Variants in NCMAP observed in about 807,000 individuals in gnomAD.
NCMAP encodes noncompact myelin-associated protein.
NCMAP carries 8 observed loss-of-function variants against 7.8 expected under a neutral mutation model. The ratio of observed to expected loss-of-function variants is 1.02; its 90% confidence interval spans 0.60 to 1.84. The LOEUF (loss-of-function observed/expected upper bound fraction) is 1.84, where lower values mean the gene tolerates loss of function less well. Among genes scored for constraint, NCMAP ranks in the 40% most tolerant of loss-of-function variants. The pLI is 0.00. For synonymous variants in NCMAP, 41 were observed against 52.9 expected, an observed-to-expected ratio of 0.78 and a Z score of 0.98; for missense variants, 112 against 131.4, an observed-to-expected ratio of 0.85 and a Z score of 0.72.
chr1:24,563,031 A>T (rs552333136), intron 1 of NCMAP, among the ~76,000 whole-genome samples: 1 of 152,380 alleles, frequency 6.6e-6, no homozygotes, highest in East Asian at 1.9e-4. Context: ...AAGTGCAGCT[A>T]CTACAAAAGA....
chr1:24,564,717 G>GA (rs1366249683), intron 1 of NCMAP, among the ~76,000 whole-genome samples: 2 of 151,748 alleles, frequency 1.3e-5, no homozygotes, highest in East Asian at 3.8e-4. Flanking sequence ...AAAGAATAAG[G>GA]AAAAATTCAC....
chr1:24,585,921 G>A (rs1438246012), intron 1 of NCMAP, among the ~76,000 whole-genome samples: 4 of 152,130 alleles, frequency 2.6e-5, no homozygotes, highest in African/African-American at 9.7e-5. Context: ...GTTTATACCT[G>A]AGTTTGACCA....
chr1:24,604,565 A>G (rs1335541296), intron 3 of NCMAP, among the ~76,000 whole-genome samples: 1 of 90,544 alleles, frequency 1.1e-5, no homozygotes, highest in Non-Finnish European at 1.9e-5. Context: ...AACCAGGGTA[A>G]GACTGTCTAA....
intron 1 of NCMAP, among the ~76,000 whole-genome samples, chr1:24,578,231 G>A (rs1399964615): frequency 1.4e-5 from 2 of 142,208 alleles, no homozygotes; most frequent in African/African-American, 5.4e-5. Flanking sequence ...ACTCCAGCCT[G>A]TGGGACACTG....
At chr1:24,601,398 A>G (rs1270936392) in intron 3 of NCMAP, among the ~76,000 whole-genome samples, 2 of 152,198 alleles carry the variant, frequency 1.3e-5, no homozygotes, top group African/African-American at 4.8e-5. Flanking sequence ...AAATACTGGA[A>G]GCATGTACCC....
rs1651554643 is a variant in NCMAP at position 24,576,216 on chromosome 1, A to T, written c.-7-19208A>T. On this transcript the variant is annotated intron_variant, in intron 1 of 3. Transcript: ENST00000374392. The surrounding 1 kb of genome is among the most constrained non-coding windows in gnomAD (Gnocchi z 4.0). ...GGCCACTTAGGTCTGTGCGGCATCC[A>T]CATCCCACCTCCTGACAAAGCTGGG... Among the ~76,000 whole-genome samples the T allele has an allele frequency of 6.6e-6, 1 of 152,112 alleles. No individual in the cohort carries two copies. Among genetic ancestry groups the T allele is most frequent in the Non-Finnish European group, 1.5e-5 (1 of 68,030 alleles).
intron 2 of NCMAP, among the ~76,000 whole-genome samples, chr1:24,598,478 C>G (rs1427388898): frequency 6.6e-6 from 1 of 151,936 alleles, no homozygotes; most frequent in African/African-American, 2.4e-5. Flanking sequence ...ATATAAATGG[C>G]CTATAGGTAT....
chr1:24,557,411 G>C (rs1399077462), intron 1 of NCMAP, among the ~76,000 whole-genome samples: 1 of 148,650 alleles, frequency 6.7e-6, no homozygotes, highest in Non-Finnish European at 1.5e-5. Flanking sequence ...GTGTGTGTGC[G>C]CTTGTGTGCA....
At position 24,597,647 on chromosome 1, in the gene NCMAP, G is replaced by GA. The variant is rs1414348472; in HGVS notation, c.82+2138dup. 1.1e-4 allele frequency among the ~76,000 whole-genome samples: 15 copies of GA among 131,152 alleles called. No homozygotes were observed. In the East Asian group the frequency reaches 2.7e-3, roughly 24 times the overall value. The allele number at this position is 131,152 out of a possible 152,430, so 86.0% of individuals were successfully genotyped here. On this transcript the variant is annotated intron_variant, in intron 2 of 3. Coordinates refer to ENST00000374392, the MANE Select transcript of NCMAP (RefSeq NM_001010980.5). ...AGAAAGAAAGAAAGAAAGAAAGAAA[G>GA]AAAGAAAGAAAGAAAGAAAGAAAGA...
chr1:24,583,073 A>G (rs914671852), intron 1 of NCMAP, among the ~76,000 whole-genome samples: 1 of 152,164 alleles, frequency 6.6e-6, no homozygotes, highest in Non-Finnish European at 1.5e-5. Flanking sequence ...TTTCCTTCTT[A>G]TCTAGTTCTT....
chr1:24,562,923 C>G (rs952105964), intron 1 of NCMAP, among the ~76,000 whole-genome samples: 1 of 151,652 alleles, frequency 6.6e-6, no homozygotes, highest in Non-Finnish European at 1.5e-5. Flanking sequence ...TCCCTTCCCC[C>G]TCCTTATGCC....
rs2148941859 is a variant in NCMAP, at chr1:24,607,826, T to C, written c.*2079T>C. 1 of 152,552 alleles carries C rather than the reference T, an allele frequency of 6.6e-6. No homozygotes were observed. Among genetic ancestry groups the C allele is most frequent in the East Asian group, 1.9e-4 (1 of 5,186 alleles). The allele number at this position is 152,552 out of a possible 1,614,324, so 9.4% of individuals were successfully genotyped here. ...TTGCAGTGAGCCAAGATCGTGCCAC[T>C]GCACTCCAGCCTGGGCAACAGAGTG... is the stretch of plus-strand genomic sequence containing the variant. On this transcript the variant is annotated 3_prime_UTR_variant, in exon 4 of 4. Coordinates refer to ENST00000374392, the MANE Select transcript of NCMAP (RefSeq NM_001010980.5).
chr1:24,583,192 G>A (rs1363594091), intron 1 of NCMAP, among the ~76,000 whole-genome samples: 1 of 152,172 alleles, frequency 6.6e-6, no homozygotes, highest in African/African-American at 2.4e-5. Context: ...GAAATGTCCT[G>A]TAACATTTTT....
intron 1 of NCMAP, among the ~76,000 whole-genome samples, chr1:24,574,366 A>C (rs1364137987): frequency 6.7e-6 from 1 of 149,178 alleles, no homozygotes; most frequent in Non-Finnish European, 1.5e-5. Flanking sequence ...TTATCTGCCC[A>C]CCTCGGCCTC....
Position 24,564,540 on chromosome 1 carries a change from A to AAAG in NCMAP, c.-8+8373_-8+8374insGAA, listed in dbSNP as rs1324809734. Among the ~76,000 whole-genome samples, 5 of 149,728 alleles carry AAAG rather than the reference A, an allele frequency of 3.3e-5. 1 individual carries two copies. In the South Asian group the frequency reaches 1.1e-3, roughly 32 times the overall value. On this transcript the variant is annotated intron_variant, in intron 1 of 3. Transcript: ENST00000374392. ...AAAAAAAAAAAAAAAAAACAAAAAA[A>AAAG]AACCTGAGAGAGATGGAGAGTATAC...
rs1310262733 is a variant in NCMAP at position 24,579,301 on chromosome 1, TTTC to T, written c.-7-16115_-7-16113del. Reference sequence around the variant, plus strand: ...CTTAGCTGTCTGAATATATCAATGTTTTCTTCTTCTCTGTGCATTGTCTCTACT... The same window carrying T: ...CTTAGCTGTCTGAATATATCAATGTTTTCTTCTCTGTGCATTGTCTCTACT... On this transcript the variant is annotated intron_variant, in intron 1 of 3. Transcript: ENST00000374392. 3.9e-5 allele frequency among the ~76,000 whole-genome samples: 6 copies of T among 152,158 alleles called. No individual in the cohort carries two copies. The East Asian group carries it at 9.6e-4, about 24-fold the overall frequency.
In NCMAP at chr1:24,597,659, G is replaced by GAAAAGAA. The variant is rs879865380; in HGVS notation, c.82+2150_82+2151insAGAAAAA. Among the ~76,000 whole-genome samples, 372 of 118,788 alleles carry GAAAAGAA rather than the reference G, an allele frequency of 3.1e-3. 1 individual carries two copies. The highest frequency in any genetic ancestry group is 9.8e-3 in the Middle Eastern group (2 of 204). The allele number at this position is 118,788 out of a possible 152,430, so 77.9% of individuals were successfully genotyped here. On this transcript the variant is annotated intron_variant, in intron 2 of 3. Coordinates refer to ENST00000374392, the MANE Select transcript of NCMAP (RefSeq NM_001010980.5). ...AGAAAGAAAGAAAGAAAGAAAGAAA[G>GAAAAGAA]AAAGAAAGAAAGAAAAGAAAAAGAA...
At chr1:24,583,585 G>A (rs184758648) in intron 1 of NCMAP, among the ~76,000 whole-genome samples, 71 of 152,124 alleles carry the variant, frequency 4.7e-4, no homozygotes, top group African/African-American at 1.6e-3. Flanking sequence ...GTGTGGTGGC[G>A]CACATCTGTA....
At chr1:24,561,136 C>A (rs1386045666) in intron 1 of NCMAP, among the ~76,000 whole-genome samples, 1 of 144,556 alleles carries the variant, frequency 6.9e-6, no homozygotes, top group Non-Finnish European at 1.5e-5. Context: ...AGTTCAAGAC[C>A]AGCCTGGCCA....
Sources: allele counts gnomAD v4.1 joint callset (sites outside exome capture counted in the v4.1 genomes callset), GRCh38; gene constraint gnomAD v4.1.1; non-coding constraint Gnocchi (gnomAD v3.1); transcripts MANE v1.5; gene names NCBI Gene and HGNC (gene_info 2026-07-23, HGNC 2026-07-21).